Variants in BAZ1B observed in about 807,000 individuals in gnomAD.
BAZ1B encodes the protein bromodomain adjacent to zinc finger domain 1B.
A neutral mutation model predicts 153.8 loss-of-function variants in BAZ1B; 22 were observed. The observed-to-expected ratio is 0.14, with a 90% CI of 0.10 to 0.20. The LOEUF is 0.20. Among genes scored for constraint, BAZ1B ranks in the 10% least tolerant of loss-of-function variants. The pLI is 1.00. For synonymous variants in BAZ1B, 676 were observed against 633.4 expected (o/e 1.07, Z -1.01); for missense variants, 1,325 against 1,799.3 (o/e 0.74, Z 4.77).
chr7:73,490,666 C>T (rs537110186), intron 5 of BAZ1B, among the ~76,000 whole-genome samples: 2 of 150,576 alleles, frequency 1.3e-5, no homozygotes, highest in South Asian at 2.1e-4. Flanking sequence ...AGAGCAATGG[C>T]GCAATCTCTG....
chr7:73,520,954 TA>T (rs540858210), intron 1 of BAZ1B, among the ~76,000 whole-genome samples: 4,587 of 151,786 alleles, frequency 0.03, 114 homozygotes, highest in Middle Eastern at 0.092. Flanking sequence ...TGGCACCCAT[TA>T]AAAAAAAGCA....
At chr7:73,464,525 C>T (rs1257049213) in intron 11 of BAZ1B, among the ~76,000 whole-genome samples, 1 of 152,138 alleles carries the variant, frequency 6.6e-6, no homozygotes, top group African/African-American at 2.4e-5. Flanking sequence ...AACCACTAAT[C>T]CACTTTCTGT....
At chr7:73,493,797 C>T (rs1462779076) in intron 4 of BAZ1B, among the ~76,000 whole-genome samples, 8 of 144,576 alleles carry the variant, frequency 5.5e-5, no homozygotes, top group Middle Eastern at 3.8e-3. Context: ...CCTGATCTTG[C>T]GACTGCACTC....
At chr7:73,451,532 A>T (rs1336849996) in intron 13 of BAZ1B, among the ~76,000 whole-genome samples, 1 of 152,164 alleles carries the variant, frequency 6.6e-6, no homozygotes, top group East Asian at 1.9e-4. Flanking sequence ...TACTAAACAG[A>T]CTGGGGAGAG....
At chr7:73,507,265 G>C (rs1174618813) in intron 3 of BAZ1B, 1 of 152,074 alleles carries the variant, frequency 6.6e-6, no homozygotes, top group Non-Finnish European at 1.5e-5. Flanking sequence ...AGATTAGCAT[G>C]GTCATTGCAT....
intron 5 of BAZ1B, among the ~76,000 whole-genome samples, chr7:73,490,380 G>C (rs1789586926): frequency 6.6e-6 from 1 of 152,124 alleles, no homozygotes; most frequent in Non-Finnish European, 1.5e-5. Flanking sequence ...GCAGGAAACA[G>C]AGAAGGAAGG....
intron 16 of BAZ1B, among the ~76,000 whole-genome samples, chr7:73,445,028 AACAC>A (rs10557903): frequency 2.2e-4 from 32 of 148,548 alleles, no homozygotes; most frequent in Non-Finnish European, 3.3e-4. Context: ...AAAGAAAAAA[AACAC>A]ACACACACAC....
intron 6 of BAZ1B, among the ~76,000 whole-genome samples, chr7:73,481,516 CA>C (rs55689155): frequency 5.6e-3 from 307 of 55,048 alleles, no homozygotes; most frequent in East Asian, 8.1e-3. Flanking sequence ...GACTCCATCT[CA>C]AAAAAAAAAA....
intron 6 of BAZ1B, among the ~76,000 whole-genome samples, chr7:73,483,160 G>C (rs1385178560): frequency 6.6e-6 from 1 of 152,128 alleles, no homozygotes; most frequent in Non-Finnish European, 1.5e-5. Flanking sequence ...ATGGAAGGTT[G>C]AAAGAAAAAG....
chr7:73,475,114 A>G (rs1788949244), intron 7 of BAZ1B, among the ~76,000 whole-genome samples: 1 of 152,216 alleles, frequency 6.6e-6, no homozygotes, highest in Non-Finnish European at 1.5e-5. Flanking sequence ...AGAACCTTTA[A>G]TTCACTGCTG....
At chr7:73,499,633 T>TCAAAAACC (rs1554576860) in intron 3 of BAZ1B, among the ~76,000 whole-genome samples, 6 of 152,206 alleles carry the variant, frequency 3.9e-5, no homozygotes, top group African/African-American at 1.4e-4. Flanking sequence ...GCCCAGGTTT[T>TCAAAAACC]TGAGGCTGCA....
intron 4 of BAZ1B, among the ~76,000 whole-genome samples, chr7:73,497,977 T>C (rs1789982584): frequency 6.6e-6 from 1 of 151,598 alleles, no homozygotes; most frequent in East Asian, 1.9e-4. Context: ...TGGAGTTTTG[T>C]TTTTGTGGCC....
Position 73,442,748 on chromosome 7 carries a change from C to T in BAZ1B, c.4071G>A (p.Lys1357=), listed in dbSNP as rs983764562. 1 of 1,614,052 alleles carries T rather than the reference C, an allele frequency of 6.2e-7. No individual in the cohort carries two copies. Among genetic ancestry groups the T allele is most frequent in the African/African-American group, 1.3e-5 (1 of 74,952 alleles). ...ACCTGAAGGGCCAGCTGAAGCGGTA[C>T]TTCACGATCTTGTGGAGGATCTCTT... ...KCEEILHKIV[K]YRFSWPFREP... The change falls in exon 18 of 20, where the codon AAG becomes AAA. Residue 1357 remains lysine (K), a synonymous_variant. Coordinates refer to ENST00000339594, the MANE Select transcript of BAZ1B (RefSeq NM_032408.4).
Position 73,442,327 on chromosome 7 carries a change from G to A in BAZ1B, c.4321C>T (p.His1441Tyr). ...TATGGGTGGCCAGGAAGGTGTTTAT[G>A]CAACAGAGCCACTAGACACTGTTCT... ...KTEQCLVALL[H>Y]KHLPGHPYVR... Residue 1441 changes from histidine to tyrosine, a missense_variant, in exon 19 of 20, where the codon CAT (histidine) becomes TAT (tyrosine). His to Tyr is a moderately conservative substitution (Grantham distance 83, BLOSUM62 2). Coordinates refer to ENST00000339594, the MANE Select transcript of BAZ1B (RefSeq NM_032408.4). 1 of 1,614,198 alleles carries A rather than the reference G, an allele frequency of 6.2e-7. No individual in the cohort carries two copies.
At chr7:73,492,163 T>A (rs1789674708) in intron 5 of BAZ1B, among the ~76,000 whole-genome samples, 1 of 151,296 alleles carries the variant, frequency 6.6e-6, no homozygotes, top group Non-Finnish European at 1.5e-5. Flanking sequence ...TGGCAAATTT[T>A]TTTTTGTTTT....
At chr7:73,497,066 A>C (rs1163817048) in intron 4 of BAZ1B, among the ~76,000 whole-genome samples, 2 of 122,260 alleles carry the variant, frequency 1.6e-5, no homozygotes, top group South Asian at 5.0e-4. Context: ...TGACCTCTAC[A>C]AAAAAAAAAA....
chr7:73,470,752 T>C (rs1260077501), intron 7 of BAZ1B, among the ~76,000 whole-genome samples: 2 of 152,210 alleles, frequency 1.3e-5, no homozygotes, highest in Non-Finnish European at 2.9e-5. Flanking sequence ...TGTTTTTGTT[T>C]TGAGGCAGAG....
At chr7:73,520,079 C>T (rs894472710) in intron 1 of BAZ1B, among the ~76,000 whole-genome samples, 1 of 151,916 alleles carries the variant, frequency 6.6e-6, no homozygotes, top group Admixed American at 6.6e-5. Context: ...CGTGGTGGCA[C>T]GCGCCTGTAA....
Position 73,452,055 on chromosome 7 carries a change from T to G in BAZ1B, c.3433-1061A>C, listed in dbSNP as rs964583250. On this transcript the variant is annotated intron_variant, in intron 13 of 19. Coordinates refer to ENST00000339594, the MANE Select transcript of BAZ1B (RefSeq NM_032408.4). ...GGCAGTCCTGCTTTTTACTATTTCC[T>G]ATGAATTATAAAATCTGAGCATCCA... is the stretch of plus-strand genomic sequence containing the variant. Among the ~76,000 whole-genome samples the G allele has an allele frequency of 5.3e-5, 8 of 152,256 alleles. No individual in the cohort carries two copies. In the East Asian group the frequency reaches 1.5e-3, roughly 29 times the overall value.
Sources: allele counts gnomAD v4.1 joint callset (sites outside exome capture counted in the v4.1 genomes callset), GRCh38; gene constraint gnomAD v4.1.1; transcripts MANE v1.5; gene names NCBI Gene and HGNC (gene_info 2026-07-23, HGNC 2026-07-21).